The following PLA2R1 variants were observed in gnomAD, a reference collection of about 807,000 sequenced individuals.
PLA2R1 encodes phospholipase A2 receptor 1.
PLA2R1 carries 158 observed loss-of-function variants against 195.9 expected under a neutral mutation model. The ratio of observed to expected loss-of-function variants is 0.81; its 90% CI spans 0.71 to 0.92. The LOEUF is 0.92. Among genes scored for constraint, PLA2R1 ranks in the 40% least tolerant of loss-of-function variants. PLA2R1 has a pLI of 0.00. For missense variants in PLA2R1, 1,626 were observed against 1,764.6 expected, an observed-to-expected ratio of 0.92 and a Z score of 1.41; for synonymous variants, 586 against 598.2, an observed-to-expected ratio of 0.98 and a Z score of 0.30.
At chr2:159,968,623 T>C (rs1560158239) in intron 19 of PLA2R1, among the ~76,000 whole-genome samples, 1 of 152,212 alleles carries the variant, frequency 6.6e-6, no homozygotes, top group Non-Finnish European at 1.5e-5. Flanking sequence ...TAGTTATGAA[T>C]CTGTTAGAGT....
In PLA2R1 at chr2:160,022,785, G is replaced by T. The variant is rs1181081595; in HGVS notation, c.1174C>A (p.Leu392Ile). 3.1e-6 allele frequency: 5 copies of T among 1,613,544 alleles called. No homozygotes were observed. In the African/African-American group the frequency reaches 5.3e-5, roughly 17 times the overall value. ...TGCCAGGTCTTTTCTTCTTTCTGAA[G>T]TTTGTAGCAATTACGATTGTAGGGA... The part of the protein sequence containing the change: ...WNPYNRNCYK[L>I]QKEEKTWHEA... The change falls in exon 7 of 30, where the codon CTT (leucine) becomes ATT (isoleucine). Residue 392 changes from leucine (L) to isoleucine (I), a missense_variant. By Grantham distance (5) the Leu-to-Ile change is conservative. Transcript: ENST00000283243.
At chr2:159,942,254 G>A (rs889459899) in intron 28 of PLA2R1, 95 bp from the exon 29 acceptor site, 36 of 869,574 alleles carry the variant, frequency 4.1e-5, no homozygotes, top group Non-Finnish European at 9.3e-6. Flanking sequence ...TATGGCCCAT[G>A]ACCCTATTTT....
intron 11 of PLA2R1, among the ~76,000 whole-genome samples, chr2:159,991,650 TC>T (rs1267076599): frequency 1.5e-5 from 2 of 132,164 alleles, no homozygotes; most frequent in Non-Finnish European, 1.6e-5. Context: ...AGTGTGATGT[TC>T]CCCTTCCTGT....
chr2:160,006,993 T>C (rs1229875632), intron 10 of PLA2R1, among the ~76,000 whole-genome samples: 2 of 152,214 alleles, frequency 1.3e-5, no homozygotes, highest in African/African-American at 4.8e-5. Context: ...TCTTAGGTAT[T>C]TATGGTACTC....
At chr2:159,954,561 T>C (rs773502670) in intron 23 of PLA2R1, among the ~76,000 whole-genome samples, 2 of 151,960 alleles carry the variant, frequency 1.3e-5, no homozygotes, top group Non-Finnish European at 2.9e-5. Flanking sequence ...CAGAGTTCCA[T>C]ACAGCTCTAG....
At chr2:160,039,796 A>G (rs1018065282) in intron 3 of PLA2R1, among the ~76,000 whole-genome samples, 1 of 151,998 alleles carries the variant, frequency 6.6e-6, no homozygotes, top group Non-Finnish European at 1.5e-5. Flanking sequence ...AAGCAGAGGA[A>G]GCTTCTGAGC....
At chr2:160,055,728 G>A (rs1314094402) in intron 1 of PLA2R1, among the ~76,000 whole-genome samples, 1 of 152,230 alleles carries the variant, frequency 6.6e-6, no homozygotes, top group Non-Finnish European at 1.5e-5. Context: ...TGTAAAAGAA[G>A]GGTATGTATT....
chr2:160,029,887 C>T (rs1693755579), intron 4 of PLA2R1, among the ~76,000 whole-genome samples: 1 of 152,204 alleles, frequency 6.6e-6, no homozygotes, highest in South Asian at 2.1e-4. Context: ...GCTTACAATT[C>T]ACCTGATTCA....
At chr2:160,010,600 G>A (rs959177319) in intron 10 of PLA2R1, among the ~76,000 whole-genome samples, 9 of 152,196 alleles carry the variant, frequency 5.9e-5, no homozygotes, top group African/African-American at 2.2e-4. Flanking sequence ...GTCTTAAACA[G>A]GAAATCAGTA....
chr2:159,926,388 T>C, the PLA2R1 span, among the ~76,000 whole-genome samples: 3 of 110,296 alleles, frequency 2.7e-5, no homozygotes, highest in African/African-American at 7.6e-5. Context: ...AATTTAGCAG[T>C]TTGGGCTTAT....
At chr2:160,017,309 C>T (rs781569901) in intron 8 of PLA2R1, among the ~76,000 whole-genome samples, 1 of 152,124 alleles carries the variant, frequency 6.6e-6, no homozygotes, top group Non-Finnish European at 1.5e-5. Context: ...AATTGGCATT[C>T]CTAACAAGTT....
intron 20 of PLA2R1, among the ~76,000 whole-genome samples, chr2:159,958,713 C>G (rs1688258538): frequency 6.6e-6 from 1 of 152,144 alleles, no homozygotes; most frequent in African/African-American, 2.4e-5. Flanking sequence ...GACAATTTTG[C>G]CCCTCAGGGT....
intron 10 of PLA2R1, among the ~76,000 whole-genome samples, chr2:160,007,226 G>A: frequency 6.6e-6 from 1 of 152,162 alleles, no homozygotes; most frequent in East Asian, 1.9e-4. Context: ...GTTGGTTCAT[G>A]CTCTCAATAA....
intron 27 of PLA2R1, chr2:159,945,765 T>C: frequency 2.0e-6 from 2 of 982,350 alleles, no homozygotes; most frequent in Non-Finnish European, 2.4e-6. Flanking sequence ...ACTAATACAT[T>C]CAACTCAGTA....
chr2:159,988,811 T>C (rs1690543229), intron 11 of PLA2R1, among the ~76,000 whole-genome samples: 3 of 152,048 alleles, frequency 2.0e-5, no homozygotes, highest in South Asian at 4.1e-4. Context: ...TTTATGCTCA[T>C]GGAAAGACAC....
chr2:159,982,108 T>G (rs749727442), intron 13 of PLA2R1, among the ~76,000 whole-genome samples: 1 of 152,090 alleles, frequency 6.6e-6, no homozygotes, highest in Non-Finnish European at 1.5e-5. Context: ...TGGGAAGCAG[T>G]GTGTGTGTGG....
At chr2:160,021,245 T>A (rs1390341403) in intron 7 of PLA2R1, among the ~76,000 whole-genome samples, 4 of 152,032 alleles carry the variant, frequency 2.6e-5, no homozygotes, top group South Asian at 4.1e-4. Flanking sequence ...AAAATAGAAC[T>A]ACCTTTCAAT....
chr2:159,978,348 A>G (rs1241457256), intron 14 of PLA2R1, among the ~76,000 whole-genome samples: 3 of 152,216 alleles, frequency 2.0e-5, no homozygotes, highest in Admixed American at 6.5e-5. Flanking sequence ...TGGGGAAAAA[A>G]AGGATGTTTT....
At chr2:160,056,555 T>C (rs1018727727) in intron 1 of PLA2R1, among the ~76,000 whole-genome samples, 2 of 152,238 alleles carry the variant, frequency 1.3e-5, no homozygotes, top group African/African-American at 4.8e-5. Flanking sequence ...TCTTCCCTCA[T>C]CTAACTTTCA....
Sources: gnomAD v4.1 joint callset for allele counts (sites outside exome capture counted in the v4.1 genomes callset) on GRCh38, gnomAD v4.1.1 for gene constraint, MANE v1.5 for transcripts, NCBI Gene and HGNC (gene_info 2026-07-23, HGNC 2026-07-21) for gene names.